Variants in GLB1 observed in about 807,000 individuals in gnomAD.
GLB1 encodes the protein beta-galactosidase.
GLB1 carries 56 observed loss-of-function variants against 74.0 expected under a neutral mutation model. The observed-to-expected ratio is 0.76, with a 90% CI of 0.61 to 0.94. The LOEUF (loss-of-function observed/expected upper bound fraction) is 0.94. Ranked by LOEUF, GLB1 falls within the 40% of genes least tolerant of loss-of-function variation. The probability of loss-of-function intolerance (pLI) is 0.00; values close to 1 mark genes in which losing one functional copy is unlikely to be tolerated. For missense variants in GLB1, 787 were observed against 845.5 expected (o/e 0.93, Z 0.86); for synonymous variants, 323 against 323.6 (o/e 1.00, Z 0.02).
chr3:33,051,615 A>AAAAAAAAAAAG (rs764769471), intron 9 of GLB1, 143 bp downstream of exon 9: 166 of 1,177,838 alleles, frequency 1.4e-4, no homozygotes, highest in East Asian at 1.1e-3. Flanking sequence ...AAAAAAAAAA[A>AAAAAAAAAAAG]AAAAGAAAAA....
intron 15 of GLB1, among the ~76,000 whole-genome samples, chr3:33,006,329 G>A (rs1429608762): frequency 2.0e-5 from 3 of 152,314 alleles, no homozygotes; most frequent in East Asian, 3.9e-4. Context: ...AACTGCGCAC[G>A]CGAGGGATAT....
intron 1 of GLB1, chr3:33,091,138 T>C (rs1473883758): frequency 3.0e-6 from 3 of 985,092 alleles, no homozygotes; most frequent in Admixed American, 1.2e-4. Context: ...ATTCACAAAA[T>C]GCGGTCGGGA....
intron 1 of GLB1, among the ~76,000 whole-genome samples, chr3:33,085,909 CAAA>C (rs56129722): frequency 1.7e-5 from 2 of 117,594 alleles, no homozygotes; most frequent in Admixed American, 8.6e-5. Context: ...CTGTCTCTAC[CAAA>C]AAAAAAAAAA....
chr3:33,002,347 CCCTTCCTT>C (rs1268362244), intron 15 of GLB1, among the ~76,000 whole-genome samples: 27 of 114,266 alleles, frequency 2.4e-4, no homozygotes, highest in African/African-American at 8.1e-4. Context: ...CTCCCTCCCT[CCCTTCCTT>C]CCTTCCTTCC....
In GLB1 at chr3:33,093,003, A is replaced by C; in HGVS notation, c.75+4008T>G. On this transcript the variant is annotated intron_variant, in intron 1 of 15. Transcript: ENST00000307363. The surrounding 1 kb of genome is among the most constrained non-coding windows in gnomAD (Gnocchi z 6.0). ...GAGATAGGCTGCTACGTTCAAGGGG[A>C]AGATCTGCCCAGCATGTGTGTGCCC... 6.2e-7 allele frequency: 1 copy of C among 1,614,258 alleles called. No homozygotes were observed. The highest frequency in any genetic ancestry group is 8.5e-7 in the Non-Finnish European group (1 of 1,180,048).
chr3:32,993,522 ATTTTTTTTTTTTTT>A (rs746774682), downstream of GLB1, among the ~76,000 whole-genome samples: 4 of 62,256 alleles, frequency 6.4e-5, no homozygotes, highest in East Asian at 6.1e-4. Flanking sequence ...CATCCAGCTA[ATTTTTTTTTTTTTT>A]TTTTTTTTTT....
chr3:33,019,231 A>G (rs1697370516), intron 12 of GLB1, among the ~76,000 whole-genome samples: 1 of 152,224 alleles, frequency 6.6e-6, no homozygotes, highest in Admixed American at 6.5e-5. Flanking sequence ...GATTGTAACC[A>G]ACCACTAAGT....
At chr3:33,069,099 A>G in intron 2 of GLB1, 129 bp from the exon 3 acceptor site, 1 of 1,503,162 alleles carries the variant, frequency 6.7e-7, no homozygotes, top group Non-Finnish European at 9.0e-7. Flanking sequence ...TGAAAGAAAA[A>G]TTATCCAAGG....
At chr3:33,074,296 G>A (rs368300160) in intron 1 of GLB1, among the ~76,000 whole-genome samples, 5 of 146,120 alleles carry the variant, frequency 3.4e-5, no homozygotes, top group African/African-American at 1.0e-4. Context: ...GTGACAGAGC[G>A]AGACTCCGTC....
At chr3:33,025,971 C>T (rs566236724) in intron 10 of GLB1, among the ~76,000 whole-genome samples, 1 of 152,272 alleles carries the variant, frequency 6.6e-6, no homozygotes, top group Non-Finnish European at 1.5e-5. Context: ...CCCTGAAGCC[C>T]GCCACGATGG....
chr3:33,002,061 C>T (rs763997270), intron 15 of GLB1, among the ~76,000 whole-genome samples: 2 of 151,540 alleles, frequency 1.3e-5, no homozygotes, highest in Admixed American at 1.3e-4. Context: ...ATGAAGTCAG[C>T]CCCATGGGGA....
At chr3:33,065,644 A>G in intron 4 of GLB1, 87 bp from the exon 5 acceptor site, 2 of 1,461,690 alleles carry the variant, frequency 1.4e-6, no homozygotes, top group South Asian at 2.5e-5. Context: ...AATGTGGCCC[A>G]ACACAAATTC....
At chr3:33,060,253 G>A (rs1699388514) in intron 5 of GLB1, among the ~76,000 whole-genome samples, 1 of 152,218 alleles carries the variant, frequency 6.6e-6, no homozygotes, top group Non-Finnish European at 1.5e-5. Context: ...AAAACAGACT[G>A]TAGCACGCAT....
At chr3:33,014,474 G>C (rs1158568065) in intron 14 of GLB1, among the ~76,000 whole-genome samples, 164 bp from the exon 15 acceptor site, 1 of 152,184 alleles carries the variant, frequency 6.6e-6, no homozygotes, top group African/African-American at 2.4e-5. Context: ...TCTAACTGGA[G>C]GTTGAATTAC....
the GLB1 span, among the ~76,000 whole-genome samples, chr3:32,990,337 A>G: frequency 6.6e-6 from 1 of 152,212 alleles, no homozygotes; most frequent in Non-Finnish European, 1.5e-5. Flanking sequence ...GCATGCTCAC[A>G]GCACTCTGAT....
At chr3:33,032,233 C>G (rs976514713) in intron 10 of GLB1, among the ~76,000 whole-genome samples, 3 of 152,192 alleles carry the variant, frequency 2.0e-5, no homozygotes, top group African/African-American at 7.2e-5. Flanking sequence ...TCAACCTCTC[C>G]CTGGACTTCG....
intron 10 of GLB1, 39 bp from the exon 11 acceptor site, chr3:33,024,364 GT>G: frequency 6.3e-7 from 1 of 1,586,150 alleles, no homozygotes; most frequent in Non-Finnish European, 8.6e-7. Context: ...AAGAAAAAAA[GT>G]TGGTAAACCT....
At chr3:33,091,934 G>A (rs1011451925) in intron 1 of GLB1, 2 of 985,208 alleles carry the variant, frequency 2.0e-6, no homozygotes, top group East Asian at 1.1e-4. Flanking sequence ...TTACTGGGAG[G>A]TACAAGACCT....
rs4371463 is a variant in GLB1 at position 33,018,240 on chromosome 3, T to C, written c.1347+208A>G. Reference sequence around the variant, plus strand: ...GGTTGAGGCTGCAGTGAGCTGTGATTGCACCACTGCACTCCAGGCTGGGCA... The same window carrying C: ...GGTTGAGGCTGCAGTGAGCTGTGATCGCACCACTGCACTCCAGGCTGGGCA... On this transcript the variant is annotated intron_variant, in intron 13 of 15. Coordinates refer to ENST00000307363, the MANE Select transcript of GLB1 (RefSeq NM_000404.4). Among the ~76,000 whole-genome samples, 34,989 of 137,980 alleles carry C rather than the reference T, an allele frequency of 0.25. 4,375 individuals carry two copies. Among genetic ancestry groups the C allele is most frequent in the Admixed American group, 0.35 (4,501 of 12,812 alleles). The allele number at this position is 137,980 out of a possible 152,430, so 90.5% of individuals were successfully genotyped here.
Sources: allele counts gnomAD v4.1 joint callset (sites outside exome capture counted in the v4.1 genomes callset), GRCh38; gene constraint gnomAD v4.1.1; non-coding constraint Gnocchi (gnomAD v3.1); transcripts MANE v1.5; gene names NCBI Gene and HGNC (gene_info 2026-07-23, HGNC 2026-07-21).